TNFSF4: variants seen among roughly 807,000 people sequenced by gnomAD.
TNFSF4 encodes the protein TNF superfamily member 4.
A neutral mutation model predicts 7.3 loss-of-function variants in TNFSF4; 4 were observed. The observed-to-expected ratio is 0.55, with a 90% CI of 0.27 to 1.25. The LOEUF (loss-of-function observed/expected upper bound fraction) is 1.25. TNFSF4 is among the 50% of genes most tolerant of loss of function. TNFSF4 has a pLI of 0.12. For synonymous variants in TNFSF4, 76 were observed against 83.7 expected (o/e 0.91, Z 0.50); for missense variants, 181 against 208.8 (o/e 0.87, Z 0.82).
At chr1:173,324,833 AC>A in the TNFSF4 span, among the ~76,000 whole-genome samples, 2 of 152,176 alleles carry the variant, frequency 1.3e-5, no homozygotes, top group African/African-American at 4.8e-5. Flanking sequence ...ATATATATAC[AC>A]CCAATACAGG....
At chr1:173,398,617 G>A in the TNFSF4 span, among the ~76,000 whole-genome samples, 2 of 151,672 alleles carry the variant, frequency 1.3e-5, no homozygotes. Context: ...TAGTAGAGAC[G>A]AGGTTTCACG....
the TNFSF4 span, among the ~76,000 whole-genome samples, chr1:173,234,783 G>A: frequency 1.2e-4 from 19 of 152,216 alleles, no homozygotes; most frequent in South Asian, 2.1e-4. Flanking sequence ...ATCACACACC[G>A]GGGCCTGTCG....
At chr1:173,299,008 T>C in the TNFSF4 span, among the ~76,000 whole-genome samples, 1 of 151,992 alleles carries the variant, frequency 6.6e-6, no homozygotes, top group Non-Finnish European at 1.5e-5. Context: ...TCCAGTTTGT[T>C]AACATTTTCC....
the TNFSF4 span, among the ~76,000 whole-genome samples, chr1:173,437,941 T>C: frequency 1.3e-5 from 2 of 152,166 alleles, no homozygotes. Flanking sequence ...AATCACATCA[T>C]CAATTCCCAT....
chr1:173,386,750 G>C, the TNFSF4 span, among the ~76,000 whole-genome samples: 1 of 152,176 alleles, frequency 6.6e-6, no homozygotes, highest in Non-Finnish European at 1.5e-5. Flanking sequence ...TGAAGTCATG[G>C]GGATGGACCT....
chr1:173,402,049 A>T, the TNFSF4 span, among the ~76,000 whole-genome samples: 1 of 152,198 alleles, frequency 6.6e-6, no homozygotes, highest in South Asian at 2.1e-4. Context: ...TGGCTTCTTT[A>T]CAATGATATT....
the TNFSF4 span, among the ~76,000 whole-genome samples, chr1:173,173,791 G>A: frequency 6.6e-6 from 1 of 152,322 alleles, no homozygotes; most frequent in African/African-American, 2.4e-5. Context: ...TAGAGCAGGG[G>A]GGCCCTGGGC....
the TNFSF4 span, among the ~76,000 whole-genome samples, chr1:173,218,639 T>C: frequency 6.6e-6 from 1 of 152,128 alleles, no homozygotes; most frequent in Non-Finnish European, 1.5e-5. Flanking sequence ...ACCCTTACAT[T>C]ACATCGAAGC....
the TNFSF4 span, among the ~76,000 whole-genome samples, chr1:173,260,395 G>A: frequency 6.6e-6 from 1 of 152,174 alleles, no homozygotes. Context: ...ACACACTGTA[G>A]TAGGCAGACC....
the TNFSF4 span, among the ~76,000 whole-genome samples, chr1:173,233,911 T>C: frequency 3.3e-5 from 5 of 151,804 alleles, no homozygotes; most frequent in South Asian, 6.2e-4. Flanking sequence ...TCTAAAACAC[T>C]AAAAGCAATG....
chr1:173,249,906 C>T, the TNFSF4 span, among the ~76,000 whole-genome samples: 7 of 152,100 alleles, frequency 4.6e-5, no homozygotes, highest in African/African-American at 9.7e-5. Context: ...CTGGCAGTAT[C>T]GATGGTAGTC....
the TNFSF4 span, among the ~76,000 whole-genome samples, chr1:173,336,205 AG>A: frequency 6.6e-6 from 1 of 152,214 alleles, no homozygotes; most frequent in African/African-American, 2.4e-5. Context: ...GTAAACCAGA[AG>A]CAATACTGGA....
chr1:173,327,852 C>A, the TNFSF4 span, among the ~76,000 whole-genome samples: 1 of 151,792 alleles, frequency 6.6e-6, no homozygotes, highest in Non-Finnish European at 1.5e-5. Flanking sequence ...AGTCAGGGAA[C>A]AACAGGTGCT....
chr1:173,285,013 T>C, the TNFSF4 span, among the ~76,000 whole-genome samples: 2 of 152,190 alleles, frequency 1.3e-5, no homozygotes, highest in Non-Finnish European at 2.9e-5. Flanking sequence ...TAAGTAACAA[T>C]TCCTCTAATG....
At chr1:173,388,087 T>C in the TNFSF4 span, among the ~76,000 whole-genome samples, 4 of 152,218 alleles carry the variant, frequency 2.6e-5, no homozygotes, top group Non-Finnish European at 5.9e-5. Flanking sequence ...AAAGATTACA[T>C]AAGAGAAAAC....
At chr1:173,366,015 T>C in the TNFSF4 span, among the ~76,000 whole-genome samples, 1 of 152,314 alleles carries the variant, frequency 6.6e-6, no homozygotes, top group South Asian at 2.1e-4. Flanking sequence ...AGAACCCTCA[T>C]ACACTGTTGG....
chr1:173,281,294 T>C, the TNFSF4 span, among the ~76,000 whole-genome samples: 2 of 152,170 alleles, frequency 1.3e-5, no homozygotes, highest in African/African-American at 4.8e-5. Context: ...GAGGATTATA[T>C]TATATGCACT....
the TNFSF4 span, among the ~76,000 whole-genome samples, chr1:173,323,129 C>A: frequency 1.3e-5 from 2 of 152,300 alleles, no homozygotes; most frequent in Admixed American, 6.5e-5. Flanking sequence ...ACCTGGGAGG[C>A]ACCCCACAGG....
chr1:173,430,479 A>G, the TNFSF4 span, among the ~76,000 whole-genome samples: 6 of 152,368 alleles, frequency 3.9e-5, no homozygotes, highest in African/African-American at 1.4e-4. Flanking sequence ...TGCCAGAGGA[A>G]TGCTTATAGC....
Sources: gnomAD v4.1 joint callset for allele counts (sites outside exome capture counted in the v4.1 genomes callset) on GRCh38, gnomAD v4.1.1 for gene constraint, MANE v1.5 for transcripts, NCBI Gene and HGNC (gene_info 2026-07-23, HGNC 2026-07-21) for gene names.